The following PCDHA3 variants were observed in gnomAD, a reference collection of about 807,000 sequenced individuals.
PCDHA3 encodes protocadherin alpha-3.
PCDHA3 carries 41 observed loss-of-function variants against 62.2 expected under a neutral mutation model. The ratio of observed to expected loss-of-function variants is 0.66; its 90% CI spans 0.51 to 0.86. PCDHA3 has a LOEUF of 0.86. Among genes scored for constraint, PCDHA3 ranks in the 40% least tolerant of loss-of-function variants. PCDHA3 has a pLI of 0.00. For missense variants in PCDHA3, 1,304 were observed against 1,241.2 expected (o/e 1.05, Z -0.76); for synonymous variants, 640 against 555.4 (o/e 1.15, Z -2.14).
intron 1 of PCDHA3, chr5:140,848,913 C>A (rs2150424583): frequency 6.2e-7 from 1 of 1,608,160 alleles, no homozygotes; most frequent in South Asian, 1.1e-5. Flanking sequence ...ACAAAAGAAT[C>A]TGTTCATCGC....
At chr5:140,806,660 TA>T (rs376815629) in intron 1 of PCDHA3, among the ~76,000 whole-genome samples, 2,423 of 151,566 alleles carry the variant, frequency 0.016, 64 homozygotes, top group African/African-American at 0.054. Context: ...TTATCATTAA[TA>T]AAAAAAAACC....
At chr5:140,823,371 C>T (rs202138902) in intron 1 of PCDHA3, 20 of 1,612,612 alleles carry the variant, frequency 1.2e-5, no homozygotes, top group Middle Eastern at 1.8e-4. Flanking sequence ...TGCTGCAGTT[C>T]CAGGTGAGCG....
At chr5:140,972,622 T>C (rs1554234253) in intron 1 of PCDHA3, among the ~76,000 whole-genome samples, 1 of 151,940 alleles carries the variant, frequency 6.6e-6, no homozygotes, top group African/African-American at 2.4e-5. Flanking sequence ...CTGAATGTTG[T>C]TGGCACTCCC....
chr5:141,010,612 A>C lies in PCDHA3; in HGVS notation c.*675A>C. Reference sequence around the variant, plus strand: ...GTTGGCTGTGACGTCATTATACCTAAAATCTGCATCATACCTGCAAGCCAA... The same window carrying C: ...GTTGGCTGTGACGTCATTATACCTACAATCTGCATCATACCTGCAAGCCAA... On this transcript the variant is annotated 3_prime_UTR_variant, in exon 4 of 4. Transcript: ENST00000522353. 1 of 196,976 alleles carries C rather than the reference A, an allele frequency of 5.1e-6. No individual in the cohort carries two copies. The highest frequency in any genetic ancestry group is 1.0e-5 in the Non-Finnish European group (1 of 95,484). 12.2% of individuals were successfully genotyped at this position (196,976 alleles called of 1,614,324 possible). A position where few individuals can be genotyped will look rare whatever the true frequency, so the allele number is the denominator to read the frequency against.
intron 1 of PCDHA3, among the ~76,000 whole-genome samples, chr5:140,964,657 G>A (rs2067599): frequency 0.18 from 27,796 of 151,812 alleles, 2,893 homozygotes; most frequent in African/African-American, 0.28. Context: ...TAATGGGTGA[G>A]GACACAGGCC....
At chr5:140,888,173 T>A (rs1231331780) in intron 1 of PCDHA3, among the ~76,000 whole-genome samples, 1 of 152,224 alleles carries the variant, frequency 6.6e-6, no homozygotes, top group African/African-American at 2.4e-5. Context: ...AATAAGATGC[T>A]AGACATTGTG....
intron 1 of PCDHA3, among the ~76,000 whole-genome samples, chr5:140,965,508 T>C (rs1278735339): frequency 6.6e-6 from 1 of 152,124 alleles, no homozygotes; most frequent in Non-Finnish European, 1.5e-5. Context: ...TTTTTTTTTT[T>C]TTTAACTGCA....
At chr5:140,831,149 C>G (rs561074158) in intron 1 of PCDHA3, 1 of 152,098 alleles carries the variant, frequency 6.6e-6, no homozygotes, top group Non-Finnish European at 1.5e-5. Flanking sequence ...TATTTACTAC[C>G]GATCTAAATA....
intron 1 of PCDHA3, among the ~76,000 whole-genome samples, chr5:140,901,191 C>A (rs2153472732): frequency 6.6e-6 from 1 of 152,084 alleles, no homozygotes; most frequent in Non-Finnish European, 1.5e-5. Context: ...GTTTGCTTTT[C>A]TGTGCAGAAG....
intron 1 of PCDHA3, chr5:140,855,836 AC>A (rs1444767908): frequency 1.7e-6 from 1 of 600,200 alleles, no homozygotes; most frequent in Non-Finnish European, 2.9e-6. Flanking sequence ...AATCGTACTT[AC>A]ACCTAAAGCC....
chr5:140,915,006 C>A (rs958050012), intron 1 of PCDHA3, among the ~76,000 whole-genome samples: 2 of 149,102 alleles, frequency 1.3e-5, no homozygotes, highest in African/African-American at 5.0e-5. Flanking sequence ...AGTGCAGTGG[C>A]CTGATCTTGG....
intron 1 of PCDHA3, among the ~76,000 whole-genome samples, chr5:140,975,516 G>A (rs1310855349): frequency 6.6e-6 from 1 of 152,284 alleles, no homozygotes; most frequent in South Asian, 2.1e-4. Flanking sequence ...TGCAAAATCT[G>A]CAGTGGATAT....
Position 140,876,997 on chromosome 5 carries a change from T to G in PCDHA3, c.2394+73406T>G, listed in dbSNP as rs1024280391. 6.8e-6 allele frequency: 11 copies of G among 1,612,358 alleles called. No homozygotes were observed. The African/African-American group carries it at 1.1e-4, about 16-fold the overall frequency. On this transcript the variant is annotated intron_variant, in intron 1 of 3. Transcript: ENST00000522353. ...CGAGCACGCACTGTCGAGCTACGTG[T>G]CGGTGCACGCGGAGAGCGGCAAGGT...
chr5:140,912,744 T>A (rs944833912), intron 1 of PCDHA3, among the ~76,000 whole-genome samples: 1 of 152,188 alleles, frequency 6.6e-6, no homozygotes, highest in Non-Finnish European at 1.5e-5. Context: ...TGTGGGTCTG[T>A]CATAGATGGC....
At chr5:140,882,210 C>G in intron 1 of PCDHA3, 3 of 1,533,604 alleles carry the variant, frequency 2.0e-6, no homozygotes, top group Admixed American at 2.1e-5. Flanking sequence ...CCTTGAGAGA[C>G]AGTTTGAGGT....
rs367948106 is a variant in PCDHA3 at position 140,876,049 on chromosome 5, G to A, written c.2394+72458G>A. On this transcript the variant is annotated intron_variant, in intron 1 of 3. Coordinates refer to ENST00000522353, the MANE Select transcript of PCDHA3 (RefSeq NM_018906.3). Reference sequence around the variant, plus strand: ...AAAAAAAGATAAAAGTATATTGCCTGAATTAGTTCTTCGGAAGTTATTGGA... The same window carrying A: ...AAAAAAAGATAAAAGTATATTGCCTAAATTAGTTCTTCGGAAGTTATTGGA... The A allele has an allele frequency of 3.6e-4, 586 of 1,613,784 alleles. No individual in the cohort carries two copies. The highest frequency in any genetic ancestry group is 4.9e-4 in the Non-Finnish European group (575 of 1,179,896).
chr5:140,909,010 G>C (rs2074261521), intron 1 of PCDHA3, among the ~76,000 whole-genome samples: 1 of 152,120 alleles, frequency 6.6e-6, no homozygotes, highest in South Asian at 2.1e-4. Flanking sequence ...GAGGTAGAAG[G>C]TTCCTGAATT....
intron 1 of PCDHA3, among the ~76,000 whole-genome samples, chr5:140,961,969 C>T (rs188846719): frequency 1.5e-4 from 23 of 151,904 alleles, no homozygotes; most frequent in African/African-American, 5.1e-4. Flanking sequence ...CTGCAACCTC[C>T]GCCTCCTGGG....
Position 140,802,816 on chromosome 5 carries a change from C to T in PCDHA3, c.1619C>T (p.Ala540Val), listed in dbSNP as rs991420459. 6.2e-7 allele frequency: 1 copy of T among 1,613,350 alleles called. No homozygotes were observed. The highest frequency in any genetic ancestry group is 8.5e-7 in the Non-Finnish European group (1 of 1,179,874). Residue 540 changes from alanine to valine, a missense_variant, in exon 1 of 4, where the codon GCG becomes GTG. Transcript: ENST00000522353. ...CAGTTCCAGGTGAGTGCGCGCGATG[C>T]GGGCGTGCCGCCTCTGGGCAGCAAC... ...LLQFQVSARD[A>V]GVPPLGSNVT...
Sources: gnomAD v4.1 joint callset for allele counts (sites outside exome capture counted in the v4.1 genomes callset) on GRCh38, gnomAD v4.1.1 for gene constraint, MANE v1.5 for transcripts, NCBI Gene and HGNC (gene_info 2026-07-23, HGNC 2026-07-21) for gene names.